POU6F2: variants seen among roughly 807,000 people sequenced by gnomAD.
POU6F2 encodes the protein POU class 6 homeobox 2, also known as POU domain, class 6, transcription factor 2.
Under a neutral mutation model 71.3 loss-of-function variants are expected in POU6F2, and 31 were observed. The ratio of observed to expected loss-of-function variants is 0.43; its 90% CI spans 0.33 to 0.59. The LOEUF is 0.59. POU6F2 is among the 20% of genes least tolerant of loss of function. The pLI is 0.04. For missense variants in POU6F2, 783 were observed against 856.8 expected (o/e 0.91, Z 1.07); for synonymous variants, 347 against 355.7 (o/e 0.98, Z 0.27).
chr7:39,416,557 C>T (rs1201230558), intron 6 of POU6F2, among the ~76,000 whole-genome samples: 1 of 152,208 alleles, frequency 6.6e-6, no homozygotes, highest in Non-Finnish European at 1.5e-5. Flanking sequence ...AGACCCCACA[C>T]ATTTCTAGAT....
chr7:39,102,529 G>A (rs1187970732), intron 2 of POU6F2, among the ~76,000 whole-genome samples: 1 of 151,964 alleles, frequency 6.6e-6, no homozygotes, highest in African/African-American at 2.4e-5. Flanking sequence ...CGATGTTTCT[G>A]GACATCATCC....
chr7:39,051,268 C>T (rs1050253359), intron 1 of POU6F2, among the ~76,000 whole-genome samples: 5 of 152,108 alleles, frequency 3.3e-5, no homozygotes, highest in Non-Finnish European at 7.4e-5. Flanking sequence ...CAAAGCTGAT[C>T]CACAAGAGTG....
chr7:39,432,945 C>G (rs899905439), intron 6 of POU6F2, 132 bp from the exon 7 acceptor site: 8 of 820,652 alleles, frequency 9.7e-6, no homozygotes, highest in South Asian at 1.7e-5. Flanking sequence ...CCACACCCCC[C>G]TCCAGAGCTG....
In POU6F2 at chr7:39,406,703, G is replaced by A. The variant is rs1369301710; in HGVS notation, c.1076G>A (p.Gly359Glu). 3.1e-6 allele frequency: 5 copies of A among 1,613,764 alleles called. No individual in the cohort carries two copies. The South Asian group carries it at 4.4e-5, about 14-fold the overall frequency. The stretch of plus-strand genomic sequence containing the variant: ...GGCAATGCCCTCTCCAGTCTTCAGG[G>A]GGTCACAGGTCAACTAGTTACTAAT... ...AFGNALSSLQ[G>E]VTGQLVTNAQ... Residue 359 changes from glycine to glutamate, a missense_variant, in exon 6 of 10, where the codon GGG becomes GAG. By Grantham distance (98) the Gly-to-Glu change is moderately conservative (BLOSUM62 -2). Transcript: ENST00000518318.
At chr7:39,251,553 C>T (rs1420428165) in intron 4 of POU6F2, among the ~76,000 whole-genome samples, 3 of 152,114 alleles carry the variant, frequency 2.0e-5, no homozygotes, top group African/African-American at 7.2e-5. Flanking sequence ...TTTGATGGCC[C>T]CTACCTTTAA....
chr7:39,146,609 G>A (rs1222948497), intron 2 of POU6F2, among the ~76,000 whole-genome samples: 1 of 152,242 alleles, frequency 6.6e-6, no homozygotes, highest in Non-Finnish European at 1.5e-5. Flanking sequence ...GTGCTTAGCA[G>A]TGGTTGGGAA....
chr7:39,119,345 A>G (rs78408938), intron 2 of POU6F2, among the ~76,000 whole-genome samples: 1,865 of 152,364 alleles, frequency 0.012, 34 homozygotes, highest in African/African-American at 0.042. Context: ...TTAATTACCA[A>G]CAAACTGTCA....
At chr7:39,371,427 C>G (rs1786608362) in intron 5 of POU6F2, among the ~76,000 whole-genome samples, 1 of 152,174 alleles carries the variant, frequency 6.6e-6, no homozygotes, top group Non-Finnish European at 1.5e-5. Context: ...GATCTGCCCA[C>G]CTTGGCCTCC....
intron 2 of POU6F2, among the ~76,000 whole-genome samples, chr7:39,109,787 T>G (rs1190550476): frequency 2.6e-5 from 4 of 152,232 alleles, no homozygotes; most frequent in Non-Finnish European, 4.4e-5. Context: ...TATTTCTGAT[T>G]TGAATCAATG....
intron 4 of POU6F2, among the ~76,000 whole-genome samples, chr7:39,238,087 G>C (rs74919346): frequency 2.0e-5 from 3 of 151,958 alleles, no homozygotes; most frequent in South Asian, 2.1e-4. Context: ...ATTTCAGGGG[G>C]GTATAAATAC....
In POU6F2 at chr7:39,385,346, C is replaced by T. The variant is rs75297662; in HGVS notation, c.973-21254C>T. On this transcript the variant is annotated intron_variant, in intron 5 of 9. Transcript: ENST00000518318. ...CCATTGCTTGCCTAACAAGGCATTG[C>T]GTTCAGCACCAGGGGCAGAGGGAGG... Among the ~76,000 whole-genome samples the T allele has an allele frequency of 4.6e-3, 701 of 152,264 alleles. 4 individuals are homozygous for T. Among genetic ancestry groups the T allele is most frequent in the African/African-American group, 0.016 (664 of 41,546 alleles).
intron 4 of POU6F2, among the ~76,000 whole-genome samples, chr7:39,288,969 G>A (rs1784698266): frequency 6.6e-6 from 1 of 152,048 alleles, no homozygotes; most frequent in Admixed American, 6.5e-5. Flanking sequence ...TTCATTTTGA[G>A]CCCAAAACGG....
intron 7 of POU6F2, among the ~76,000 whole-genome samples, chr7:39,442,787 A>G (rs1363550525): frequency 6.6e-6 from 1 of 152,218 alleles, no homozygotes; most frequent in Non-Finnish European, 1.5e-5. Flanking sequence ...TCTGTCAGCA[A>G]AGCCAGTTGT....
At chr7:38,990,057 T>C (rs1412524156) in intron 1 of POU6F2, among the ~76,000 whole-genome samples, 1 of 152,112 alleles carries the variant, frequency 6.6e-6, no homozygotes, top group Non-Finnish European at 1.5e-5. Flanking sequence ...AAATTCCACT[T>C]ATTTGCAAGA....
At chr7:39,032,621 C>T (rs899231275) in intron 1 of POU6F2, among the ~76,000 whole-genome samples, 1 of 152,168 alleles carries the variant, frequency 6.6e-6, no homozygotes, top group Non-Finnish European at 1.5e-5. Context: ...CTGACATAAA[C>T]CTGCATAAGT....
intron 1 of POU6F2, among the ~76,000 whole-genome samples, chr7:39,070,009 A>T (rs1375780283): frequency 6.6e-6 from 1 of 152,120 alleles, no homozygotes; most frequent in Non-Finnish European, 1.5e-5. Context: ...GTCAGGAAGA[A>T]CAGACTTCAG....
In POU6F2 at chr7:39,075,834, A is replaced by G. The variant is rs554007813; in HGVS notation, c.106-10026A>G. Among the ~76,000 whole-genome samples the G allele has an allele frequency of 8.5e-5, 13 of 152,314 alleles. No individual in the cohort carries two copies. The South Asian group carries it at 1.4e-3, about 17-fold the overall frequency. On this transcript the variant is annotated intron_variant, in intron 1 of 9. Coordinates refer to ENST00000518318, the MANE Select transcript of POU6F2 (RefSeq NM_001370959.1). ...GGCTCTACTGCCTTTGCTTTGTTGG[A>G]CTAATCCCCGGACTAGCTTGGTAGT... is the stretch of plus-strand genomic sequence containing the variant.
At chr7:39,421,091 T>A (rs906411047) in intron 6 of POU6F2, among the ~76,000 whole-genome samples, 1 of 152,122 alleles carries the variant, frequency 6.6e-6, no homozygotes, top group African/African-American at 2.4e-5. Flanking sequence ...AAAAACTGCC[T>A]AATCATTAGG....
At chr7:39,172,269 A>G (rs1482304143) in intron 2 of POU6F2, among the ~76,000 whole-genome samples, 1 of 152,154 alleles carries the variant, frequency 6.6e-6, no homozygotes, top group Non-Finnish European at 1.5e-5. Context: ...TTAACATTTT[A>G]CTTAACATTC....
Sources: gnomAD v4.1 joint callset for allele counts (sites outside exome capture counted in the v4.1 genomes callset) on GRCh38, gnomAD v4.1.1 for gene constraint, MANE v1.5 for transcripts, NCBI Gene and HGNC (gene_info 2026-07-23, HGNC 2026-07-21) for gene names.